The following DRC11 variants were observed in gnomAD, a reference collection of about 807,000 sequenced individuals.
DRC11 encodes the protein IQ and AAA domain-containing protein 1.
the DRC11 span, chr2:236,419,205 C>T: frequency 6.5e-7 from 1 of 1,542,438 alleles, no homozygotes; most frequent in Non-Finnish European, 8.7e-7. The surrounding 1 kb of genome is among the most constrained non-coding windows in gnomAD (Gnocchi z 4.8). Context: ...GGTTGTTTTT[C>T]CTTTTTCTTC....
the DRC11 span, among the ~76,000 whole-genome samples, chr2:236,440,736 T>C: frequency 6.6e-6 from 1 of 151,842 alleles, no homozygotes; most frequent in African/African-American, 2.4e-5. Flanking sequence ...GGCTTGGAGA[T>C]GAGGGGAGAG....
At chr2:236,392,696 T>G in the DRC11 span, among the ~76,000 whole-genome samples, 1 of 152,240 alleles carries the variant, frequency 6.6e-6, no homozygotes, top group African/African-American at 2.4e-5. This position sits in a 1 kb window ranked among gnomAD's most constrained non-coding sequence, Gnocchi z 5.1. Flanking sequence ...CAATCACAGA[T>G]GACCTTTTTT....
At chr2:236,359,328 T>C in the DRC11 span, among the ~76,000 whole-genome samples, 1 of 152,306 alleles carries the variant, frequency 6.6e-6, no homozygotes, top group African/African-American at 2.4e-5. The surrounding 1 kb of genome is among the most constrained non-coding windows in gnomAD (Gnocchi z 4.3). Context: ...TAGTTACTGT[T>C]TGTAAAATAA....
the DRC11 span, among the ~76,000 whole-genome samples, chr2:236,494,468 G>C: frequency 6.6e-6 from 1 of 152,048 alleles, no homozygotes; most frequent in African/African-American, 2.4e-5. This position sits in a 1 kb window ranked among gnomAD's most constrained non-coding sequence, Gnocchi z 4.2. Context: ...CAAACCAGTG[G>C]GGGTTCAGAT....
At chr2:236,343,618 G>A in the DRC11 span, 23 of 818,750 alleles carry the variant, frequency 2.8e-5, 1 homozygote, top group South Asian at 2.9e-4. The surrounding 1 kb of genome is among the most constrained non-coding windows in gnomAD (Gnocchi z 6.6). Flanking sequence ...TGTGTGACAC[G>A]TGAGACGAAA....
chr2:236,402,288 A>C, the DRC11 span, among the ~76,000 whole-genome samples: 20 of 152,314 alleles, frequency 1.3e-4, no homozygotes, highest in African/African-American at 4.6e-4. The surrounding 1 kb of genome is among the most constrained non-coding windows in gnomAD (Gnocchi z 6.0). Flanking sequence ...ACGGGTTACC[A>C]GCTCACTCAG....
chr2:236,367,282 A>G, the DRC11 span, among the ~76,000 whole-genome samples: 1 of 148,130 alleles, frequency 6.8e-6, no homozygotes, highest in Non-Finnish European at 1.5e-5. The surrounding 1 kb of genome is among the most constrained non-coding windows in gnomAD (Gnocchi z 4.8). Context: ...ATTATGTGCT[A>G]TTATATATTA....
chr2:236,423,519 T>C, the DRC11 span, among the ~76,000 whole-genome samples: 2 of 152,314 alleles, frequency 1.3e-5, no homozygotes, highest in Admixed American at 1.3e-4. Flanking sequence ...TCACACCAGT[T>C]AGAATGGCGA....
At chr2:236,344,546 A>C in the DRC11 span, 1 of 1,604,010 alleles carries the variant, frequency 6.2e-7, no homozygotes, top group Non-Finnish European at 8.5e-7. Context: ...AAGGCATGAG[A>C]AAGTCCTCAC....
At chr2:236,401,056 G>A in the DRC11 span, among the ~76,000 whole-genome samples, 1 of 152,256 alleles carries the variant, frequency 6.6e-6, no homozygotes, top group South Asian at 2.1e-4. This position sits in a 1 kb window ranked among gnomAD's most constrained non-coding sequence, Gnocchi z 4.6. Context: ...GCCCCACAGA[G>A]GCATTTGTCT....
At chr2:236,359,781 C>T in the DRC11 span, among the ~76,000 whole-genome samples, 2 of 152,118 alleles carry the variant, frequency 1.3e-5, no homozygotes, top group Admixed American at 1.3e-4. The surrounding 1 kb of genome is among the most constrained non-coding windows in gnomAD (Gnocchi z 4.3). Flanking sequence ...CACTGGGACA[C>T]GGTGGCCTCA....
the DRC11 span, among the ~76,000 whole-genome samples, chr2:236,435,314 G>T: frequency 1.3e-5 from 2 of 152,226 alleles, no homozygotes; most frequent in Non-Finnish European, 2.9e-5. Flanking sequence ...TCCATGGCAG[G>T]GGTCAGCAAA....
At chr2:236,374,404 T>C in the DRC11 span, among the ~76,000 whole-genome samples, 2 of 152,192 alleles carry the variant, frequency 1.3e-5, no homozygotes, top group Admixed American at 1.3e-4. Flanking sequence ...TTTGGTTAGA[T>C]TGAGTCATTT....
the DRC11 span, among the ~76,000 whole-genome samples, chr2:236,471,079 C>G: frequency 6.6e-6 from 1 of 152,170 alleles, no homozygotes; most frequent in Non-Finnish European, 1.5e-5. This position sits in a 1 kb window ranked among gnomAD's most constrained non-coding sequence, Gnocchi z 4.6. Flanking sequence ...AACTCCCTTA[C>G]TTCTCAACAC....
At chr2:236,440,573 A>C in the DRC11 span, among the ~76,000 whole-genome samples, 2 of 152,214 alleles carry the variant, frequency 1.3e-5, no homozygotes, top group Non-Finnish European at 2.9e-5. Flanking sequence ...CACTCGAAAA[A>C]AGGCAAGGAG....
the DRC11 span, among the ~76,000 whole-genome samples, chr2:236,395,888 A>C: frequency 1.3e-5 from 2 of 152,224 alleles, no homozygotes; most frequent in East Asian, 3.9e-4. Context: ...CACTAAAATC[A>C]GGAAATAATG....
the DRC11 span, among the ~76,000 whole-genome samples, chr2:236,341,938 C>T: frequency 2.0e-5 from 3 of 152,114 alleles, no homozygotes; most frequent in Non-Finnish European, 4.4e-5. Flanking sequence ...AGGTATTCAA[C>T]TGATGTCCCC....
the DRC11 span, among the ~76,000 whole-genome samples, chr2:236,344,396 T>C: frequency 6.6e-6 from 1 of 152,154 alleles, no homozygotes; most frequent in Non-Finnish European, 1.5e-5. Flanking sequence ...ACAGAACCCT[T>C]TCAAATACAG....
chr2:236,486,713 A>G, the DRC11 span: 2 of 734,096 alleles, frequency 2.7e-6, no homozygotes, highest in Non-Finnish European at 4.6e-6. The surrounding 1 kb of genome is among the most constrained non-coding windows in gnomAD (Gnocchi z 5.7). Flanking sequence ...ACTCCATTCC[A>G]TTAAATCATT....
Sources: gnomAD v4.1 joint callset for allele counts (sites outside exome capture counted in the v4.1 genomes callset) on GRCh38, gnomAD v4.1.1 for gene constraint, Gnocchi (gnomAD v3.1) non-coding constraint, MANE v1.5 for transcripts, NCBI Gene and HGNC (gene_info 2026-07-23, HGNC 2026-07-21) for gene names.